CYP2C19: variants seen among roughly 807,000 people sequenced by gnomAD.
CYP2C19 encodes the protein cytochrome P450 2C19.
A neutral mutation model predicts 40.9 loss-of-function variants in CYP2C19; 59 were observed. That is an observed-to-expected ratio of 1.44 (90% CI 1.17 to 1.79). The LOEUF is 1.79. CYP2C19 is among the 40% of genes most tolerant of loss of function. The pLI, the probability that CYP2C19 is intolerant of heterozygous loss-of-function variation, is 0.00. For synonymous variants in CYP2C19, 253 were observed against 208.7 expected (o/e 1.21, Z -1.83); for missense variants, 754 against 596.9 (o/e 1.26, Z -2.74).
intron 5 of CYP2C19, among the ~76,000 whole-genome samples, chr10:94,786,669 T>G (rs1311708776): frequency 6.6e-6 from 1 of 152,134 alleles, no homozygotes; most frequent in Non-Finnish European, 1.5e-5. Context: ...ATAGGTAGTT[T>G]TTCAGCTCTT....
rs1249040285 is a variant in CYP2C19 at position 94,813,774 on chromosome 10, C to T, written c.820-6722C>T. On this transcript the variant is annotated intron_variant, in intron 5 of 8. Coordinates refer to ENST00000371321, the MANE Select transcript of CYP2C19 (RefSeq NM_000769.4). ...GATCTCTTGGCTCCCTGGCTTCAGT[C>T]CTCTTTCCAGGGGACTGAATGGTTC... Among the ~76,000 whole-genome samples, 4 of 151,098 alleles carry T rather than the reference C, an allele frequency of 2.6e-5. No homozygotes were observed. The East Asian group carries it at 5.9e-4, about 22-fold the overall frequency.
At chr10:94,847,250 CT>C (rs755466857) in intron 7 of CYP2C19, among the ~76,000 whole-genome samples, 1 of 152,044 alleles carries the variant, frequency 6.6e-6, no homozygotes, top group Non-Finnish European at 1.5e-5. Flanking sequence ...AAAACAGTCC[CT>C]GGTGTGTGAT....
chr10:94,762,865 T>A lies in CYP2C19; in HGVS notation c.160T>A (p.Leu54Ile). The A allele has an allele frequency of 6.2e-7, 1 of 1,613,528 alleles. No individual in the cohort carries two copies. The highest frequency in any genetic ancestry group is 2.2e-5 in the East Asian group (1 of 44,864). Residue 54 changes from leucine (L) to isoleucine (I), a missense_variant, in exon 1 of 9, where the codon TTA becomes ATA. Coordinates refer to ENST00000371321, the MANE Select transcript of CYP2C19 (RefSeq NM_000769.4). ...QIDIKDVSKS[L>I]TNLSKIYGPV... Reference sequence around the variant, plus strand: ...AGATATTAAGGATGTCAGCAAATCCTTAACCAATGTAAGTATGCTCCTTCA... The same window carrying A: ...AGATATTAAGGATGTCAGCAAATCCATAACCAATGTAAGTATGCTCCTTCA...
chr10:94,821,866 G>A (rs942432366), intron 6 of CYP2C19, among the ~76,000 whole-genome samples: 6 of 151,576 alleles, frequency 4.0e-5, no homozygotes, highest in African/African-American at 1.2e-4. Flanking sequence ...ACTGAGTCTC[G>A]GGGTCCCAAC....
intron 1 of CYP2C19, among the ~76,000 whole-genome samples, chr10:94,772,788 G>T (rs4291603): frequency 0.48 from 72,845 of 151,442 alleles, 18,452 homozygotes; most frequent in African/African-American, 0.63. Context: ...GTCACTTTTT[G>T]TTTTGAGACG....
chr10:94,790,862 T>A (rs1020081511), intron 5 of CYP2C19, among the ~76,000 whole-genome samples: 3 of 152,174 alleles, frequency 2.0e-5, no homozygotes, highest in African/African-American at 7.2e-5. Flanking sequence ...GGCTTTGGTA[T>A]CAGTATGATA....
intron 5 of CYP2C19, among the ~76,000 whole-genome samples, chr10:94,795,493 G>A (rs1848670557): frequency 6.6e-6 from 1 of 152,024 alleles, no homozygotes; most frequent in Non-Finnish European, 1.5e-5. Context: ...TAGCAGCATG[G>A]TTTATAATCT....
chr10:94,794,336 A>G (rs879236590), intron 5 of CYP2C19, among the ~76,000 whole-genome samples: 5 of 152,122 alleles, frequency 3.3e-5, no homozygotes, highest in Admixed American at 1.3e-4. Flanking sequence ...GCCCTGCTTC[A>G]GCTCACACTC....
Position 94,820,533 on chromosome 10 carries a change from A to G in CYP2C19, c.857A>G (p.Asn286Ser). Reference sequence around the variant, plus strand: ...CAACAGTCTGAATTCACTATTGAAAACTTGGTAATCACTGCAGCTGACTTA... The same window carrying G: ...CAACAGTCTGAATTCACTATTGAAAGCTTGGTAATCACTGCAGCTGACTTA... The part of the protein sequence containing the change: ...QNQQSEFTIE[N>S]LVITAADLLG... The change falls in exon 6 of 9, where the codon AAC (asparagine) becomes AGC (serine). Residue 286 changes from asparagine to serine, a missense_variant. Transcript: ENST00000371321. The G allele has an allele frequency of 6.2e-7, 1 of 1,614,192 alleles. No individual in the cohort carries two copies. Among genetic ancestry groups the G allele is most frequent in the Non-Finnish European group, 8.5e-7 (1 of 1,180,034 alleles).
At chr10:94,804,596 G>A (rs1293425246) in intron 5 of CYP2C19, among the ~76,000 whole-genome samples, 1 of 152,184 alleles carries the variant, frequency 6.6e-6, no homozygotes, top group Non-Finnish European at 1.5e-5. Context: ...TAAACAAAGT[G>A]CTCTCCCTTG....
In CYP2C19 at chr10:94,832,458, A is replaced by T. The variant is rs148287451; in HGVS notation, c.962-10379A>T. On this transcript the variant is annotated intron_variant, in intron 6 of 8. Transcript: ENST00000371321. ...GGGGAAACCACCCCATGTTTCAATT[A>T]TCCCCACATGGCCTTGTACTTGGGG... Among the ~76,000 whole-genome samples, 470 of 152,302 alleles carry T rather than the reference A, an allele frequency of 3.1e-3. 3 individuals carry two copies. The highest frequency in any genetic ancestry group is 0.011 in the African/African-American group (447 of 41,562).
chr10:94,824,643 A>G (rs1368636579), intron 6 of CYP2C19, among the ~76,000 whole-genome samples: 1 of 152,036 alleles, frequency 6.6e-6, no homozygotes, highest in Non-Finnish European at 1.5e-5. Context: ...TGCTTACTTT[A>G]TGTTTTCAAA....
At chr10:94,774,307 T>C (rs2134235785) in intron 1 of CYP2C19, 1 of 152,306 alleles carries the variant, frequency 6.6e-6, no homozygotes, top group Non-Finnish European at 1.5e-5. Context: ...ATGTGGCTTA[T>C]GGAGGAATAA....
chr10:94,781,785 ATGCTT>A, intron 4 of CYP2C19, 31 bp from the exon 5 acceptor site: 11 of 1,178,794 alleles, frequency 9.3e-6, no homozygotes, highest in Non-Finnish European at 1.2e-5. Flanking sequence ...CCTTTATTAA[ATGCTT>A]TTAATTTAAT....
chr10:94,806,050 T>C (rs1305302441), intron 5 of CYP2C19, among the ~76,000 whole-genome samples: 1 of 151,114 alleles, frequency 6.6e-6, no homozygotes, highest in Non-Finnish European at 1.5e-5. Context: ...ATGATAACTG[T>C]ACATTTCTCC....
intron 1 of CYP2C19, among the ~76,000 whole-genome samples, chr10:94,764,887 A>G (rs1419732271): frequency 6.6e-6 from 1 of 152,144 alleles, no homozygotes; most frequent in Non-Finnish European, 1.5e-5. Context: ...AGAGGTTGGT[A>G]TGAGTTTGAA....
intron 6 of CYP2C19, among the ~76,000 whole-genome samples, chr10:94,839,325 C>G (rs1222223480): frequency 6.6e-6 from 1 of 152,112 alleles, no homozygotes; most frequent in Non-Finnish European, 1.5e-5. Context: ...GCTGTATAAC[C>G]ACCCATGGAC....
intron 5 of CYP2C19, among the ~76,000 whole-genome samples, chr10:94,812,186 A>C (rs1343234683): frequency 6.6e-6 from 1 of 152,120 alleles, no homozygotes; most frequent in Admixed American, 6.5e-5. Context: ...TTTCTTTAAG[A>C]ATGTTGAATA....
Position 94,767,889 on chromosome 10 carries a change from G to T in CYP2C19, c.168+5016G>T, listed in dbSNP as rs1378308721. ...GGGGCTTAATCTCTTGGAGGGGTTT[G>T]TTCCATACCAAGTGTCCTTCCATAG... is the stretch of plus-strand genomic sequence containing the variant. On this transcript the variant is annotated intron_variant, in intron 1 of 8. Coordinates refer to ENST00000371321, the MANE Select transcript of CYP2C19 (RefSeq NM_000769.4). 2.6e-5 allele frequency among the ~76,000 whole-genome samples: 4 copies of T among 152,140 alleles called. No individual in the cohort carries two copies. The East Asian group carries it at 7.7e-4, about 29-fold the overall frequency.
Sources: allele counts gnomAD v4.1 joint callset (sites outside exome capture counted in the v4.1 genomes callset), GRCh38; gene constraint gnomAD v4.1.1; transcripts MANE v1.5; gene names NCBI Gene and HGNC (gene_info 2026-07-23, HGNC 2026-07-21).